The following ZFP62 variants were observed in gnomAD, a reference collection of about 807,000 sequenced individuals.
ZFP62 encodes zinc finger protein 62 homolog.
A neutral mutation model predicts 56.4 loss-of-function variants in ZFP62; 44 were observed. That is an observed-to-expected ratio of 0.78 (90% CI 0.61 to 1.00). ZFP62 has a LOEUF of 1.00. Ranked by LOEUF, ZFP62 falls within the 50% of genes least tolerant of loss-of-function variation. The probability of loss-of-function intolerance (pLI) is 0.00; values close to 1 mark genes in which losing one functional copy is unlikely to be tolerated. For missense variants in ZFP62, 1,030 were observed against 1,085.7 expected, an observed-to-expected ratio of 0.95 and a Z score of 0.72; for synonymous variants, 421 against 388.9, an observed-to-expected ratio of 1.08 and a Z score of -0.97.
At position 180,850,554 on chromosome 5, in the gene ZFP62, C is replaced by T; in HGVS notation, c.941G>A (p.Cys314Tyr). Reference protein sequence around the residue: ...TGEKPYECDECGKAFITCRTL... With the variant: ...TGEKPYECDEYGKAFITCRTL... ...TCTACAAGTAATGAAGGCCTTCCCA[C>T]ACTCATCACATTCGTAAGGTTTCTC... is the stretch of plus-strand genomic sequence containing the variant. Residue 314 changes from cysteine (C) to tyrosine (Y), a missense_variant, in exon 2 of 2, where the codon TGT (cysteine) becomes TAT (tyrosine). Physicochemically the swap from Cys to Tyr is radical, Grantham distance 194. Transcript: ENST00000502412. 2 of 1,556,844 alleles carry T rather than the reference C, an allele frequency of 1.3e-6. No homozygotes were observed. The highest frequency in any genetic ancestry group is 1.2e-5 in the South Asian group (1 of 84,506).
chr5:180,842,071 G>C, the ZFP62 span, among the ~76,000 whole-genome samples: 1 of 152,140 alleles, frequency 6.6e-6, no homozygotes, highest in Non-Finnish European at 1.5e-5. Flanking sequence ...CAAATGAAAA[G>C]TCTATTACTG....
downstream of ZFP62, among the ~76,000 whole-genome samples, chr5:180,845,362 A>AAAAAAAAAGT (rs1773391869): frequency 8.3e-6 from 1 of 120,182 alleles, no homozygotes; most frequent in Non-Finnish European, 1.7e-5. Flanking sequence ...AAAAAAAAAA[A>AAAAAAAAAGT]GACACGTGAG....
chr5:180,842,692 C>T (rs2113659130), downstream of ZFP62, among the ~76,000 whole-genome samples: 1 of 152,194 alleles, frequency 6.6e-6, no homozygotes, highest in Non-Finnish European at 1.5e-5. Flanking sequence ...AGAAAGTTTT[C>T]TAGAGAGAAG....
chr5:180,858,960 C>G (rs1363611767), intron 1 of ZFP62, among the ~76,000 whole-genome samples: 1 of 152,214 alleles, frequency 6.6e-6, no homozygotes, highest in African/African-American at 2.4e-5. Flanking sequence ...GACCAACAAC[C>G]TCTGGGCACT....
chr5:180,827,878 C>CAGG, the ZFP62 span, among the ~76,000 whole-genome samples: 1 of 152,220 alleles, frequency 6.6e-6, no homozygotes, highest in Non-Finnish European at 1.5e-5. Context: ...GGCAGCAATA[C>CAGG]TGCTTTGTAA....
chr5:180,848,190 ATGC>A lies in ZFP62; in HGVS notation c.*599_*601del, dbSNP rs773438325. On this transcript the variant is annotated 3_prime_UTR_variant, in exon 2 of 2. Coordinates refer to ENST00000502412, the MANE Select transcript of ZFP62 (RefSeq NM_001172638.2). ...TATCTCCTGTTAGACTTGTAAGTCTATGCTTTCTACTTTTCCTAAAAGGAAATC... is the reference window on the plus strand; with the variant it reads ...TATCTCCTGTTAGACTTGTAAGTCTATTTCTACTTTTCCTAAAAGGAAATC... The A allele has an allele frequency of 7.4e-4, 734 of 985,380 alleles. No homozygotes were observed. Among genetic ancestry groups the A allele is most frequent in the Non-Finnish European group, 8.6e-4 (716 of 829,976 alleles). 61.0% of individuals were successfully genotyped at this position (985,380 alleles called of 1,614,324 possible).
intron 1 of ZFP62, among the ~76,000 whole-genome samples, chr5:180,859,403 G>C (rs774958483): frequency 1.4e-4 from 21 of 152,344 alleles, no homozygotes; most frequent in South Asian, 1.2e-3. Context: ...GAACAGAGAA[G>C]TGATATGCAG....
At chr5:180,855,463 G>A (rs1385044883) in intron 1 of ZFP62, among the ~76,000 whole-genome samples, 5 of 151,966 alleles carry the variant, frequency 3.3e-5, no homozygotes, top group African/African-American at 1.2e-4. Flanking sequence ...TGCCCTCCGC[G>A]CTGCTGCCCC....
Position 180,851,088 on chromosome 5 carries a change from G to T in ZFP62, c.407C>A (p.Ala136Asp). 1.9e-6 allele frequency: 3 copies of T among 1,551,696 alleles called. No homozygotes were observed. Among genetic ancestry groups the T allele is most frequent in the Non-Finnish European group, 2.6e-6 (3 of 1,146,990 alleles). Residue 136 changes from alanine (A) to aspartate (D), a missense_variant, in exon 2 of 2, where the codon GCT (alanine) becomes GAT (aspartate). Ala to Asp is a moderately radical substitution (Grantham distance 126, BLOSUM62 -2). Coordinates refer to ENST00000502412, the MANE Select transcript of ZFP62 (RefSeq NM_001172638.2). ...ATCACATTTATGTAATTTCTTAACA[G>T]CATTGGTTTTCTGCTGTAGACTAGG... ...SYPSLQQKTN[A>D]VKKLHKCDEC...
At chr5:180,832,097 AAAAC>A in the ZFP62 span, among the ~76,000 whole-genome samples, 2 of 126,152 alleles carry the variant, frequency 1.6e-5, no homozygotes, top group Non-Finnish European at 3.5e-5. Flanking sequence ...CTCAAAACAA[AAAAC>A]AAAAAACACA....
Position 180,847,915 on chromosome 5 carries a change from T to A in ZFP62, c.*877A>T. The A allele has an allele frequency of 1.0e-6, 1 of 985,158 alleles. No individual in the cohort carries two copies. 61.0% of individuals were successfully genotyped at this position (985,158 alleles called of 1,614,324 possible). On this transcript the variant is annotated 3_prime_UTR_variant, in exon 2 of 2. Coordinates refer to ENST00000502412, the MANE Select transcript of ZFP62 (RefSeq NM_001172638.2). ...TATTCATAGGAATCCCTGAATCACTTCTGTCATGTAAGGTGCGAATTCATG... is the reference window on the plus strand; with the variant it reads ...TATTCATAGGAATCCCTGAATCACTACTGTCATGTAAGGTGCGAATTCATG...
chr5:180,844,245 T>C (rs754409284), downstream of ZFP62, among the ~76,000 whole-genome samples: 11 of 152,220 alleles, frequency 7.2e-5, no homozygotes, highest in Non-Finnish European at 1.3e-4. Flanking sequence ...TTATTAAGCC[T>C]TAAAATAATC....
In ZFP62 at chr5:180,850,529, T is replaced by TGTAG; in HGVS notation, c.965_966insCTAC (p.Arg322SerfsTer8). On this transcript the variant is annotated frameshift_variant, in exon 2 of 2. Coordinates refer to ENST00000502412, the MANE Select transcript of ZFP62 (RefSeq NM_001172638.2). LOFTEE classifies it high-confidence loss of function. ...GGATGCTTTTATGGTTGAGAAGTGT[T>TGTAG]CTACAAGTAATGAAGGCCTTCCCAC... 2 of 1,554,076 alleles carry TGTAG rather than the reference T, an allele frequency of 1.3e-6. No individual in the cohort carries two copies. Among genetic ancestry groups the TGTAG allele is most frequent in the Non-Finnish European group, 8.7e-7 (1 of 1,148,446 alleles).
At chr5:180,830,089 A>C in the ZFP62 span, 1 of 151,656 alleles carries the variant, frequency 6.6e-6, no homozygotes, top group South Asian at 2.1e-4. Flanking sequence ...GAGCCCTCTG[A>C]AGTGTACTCA....
At chr5:180,855,225 G>A (rs1285332830) in intron 1 of ZFP62, among the ~76,000 whole-genome samples, 1 of 152,190 alleles carries the variant, frequency 6.6e-6, no homozygotes, top group Non-Finnish European at 1.5e-5. Context: ...TCTTTTTACT[G>A]TTCGTATTCT....
chr5:180,852,054 A>C, intron 1 of ZFP62: 1 of 983,370 alleles, frequency 1.0e-6, no homozygotes, highest in Non-Finnish European at 1.2e-6. Context: ...ATGAGGAAGA[A>C]GGCAACCTGC....
the ZFP62 span, among the ~76,000 whole-genome samples, chr5:180,839,527 G>T: frequency 3.3e-5 from 5 of 152,262 alleles, no homozygotes; most frequent in African/African-American, 9.6e-5. Context: ...ACCAAATACC[G>T]CATGTTTTCA....
At chr5:180,845,779 CTGG>C, downstream of ZFP62, 2 of 985,426 alleles carry the variant, frequency 2.0e-6, no homozygotes, top group Non-Finnish European at 2.4e-6. Context: ...AGGTGTTGTC[CTGG>C]TGGTGATCCT....
chr5:180,829,271 G>T, the ZFP62 span, among the ~76,000 whole-genome samples: 1 of 150,356 alleles, frequency 6.7e-6, no homozygotes, highest in Non-Finnish European at 1.5e-5. Flanking sequence ...TTCCTCAGAG[G>T]CATGTGATCT....
Sources: gnomAD v4.1 joint callset for allele counts (sites outside exome capture counted in the v4.1 genomes callset) on GRCh38, gnomAD v4.1.1 for gene constraint, MANE v1.5 for transcripts, NCBI Gene and HGNC (gene_info 2026-07-23, HGNC 2026-07-21) for gene names.